The following PLXND1 variants were observed in gnomAD, a reference collection of about 807,000 sequenced individuals.
PLXND1 encodes the protein plexin-D1.
In PLXND1, 54 loss-of-function variants were observed where a neutral mutation model predicts 197.7. That is an observed-to-expected ratio of 0.27 (90% CI 0.22 to 0.34). The LOEUF (loss-of-function observed/expected upper bound fraction) is 0.34, where lower values mean the gene tolerates loss of function less well. Among genes scored for constraint, PLXND1 ranks in the 10% least tolerant of loss-of-function variants. The probability of loss-of-function intolerance (pLI) is 1.00; values close to 1 mark genes in which losing one functional copy is unlikely to be tolerated. For missense variants in PLXND1, 2,127 were observed against 2,699.2 expected, an observed-to-expected ratio of 0.79 and a Z score of 4.70; for synonymous variants, 1,180 against 1,161.2, an observed-to-expected ratio of 1.02 and a Z score of -0.33.
chr3:129,559,545 A>C, intron 32 of PLXND1, 75 bp downstream of exon 32: 4 of 1,237,686 alleles, frequency 3.2e-6, no homozygotes, highest in Non-Finnish European at 4.5e-6. Flanking sequence ...CGAGGCCAGA[A>C]GACTAGACTC....
intron 3 of PLXND1, 86 bp downstream of exon 3, chr3:129,586,502 G>T (rs781117493): frequency 5.6e-5 from 83 of 1,473,272 alleles, no homozygotes; most frequent in Non-Finnish European, 7.5e-5. Context: ...GGTGCTCCCA[G>T]CAGAGGAACA....
Position 129,570,950 on chromosome 3 carries a change from G to A in PLXND1, c.3601-15C>T, listed in dbSNP as rs372185971. On this transcript the variant is annotated splice_polypyrimidine_tract_variant and intron_variant, in intron 18 of 35. Transcript: ENST00000324093. Reference sequence around the variant, plus strand: ...TCCTGCTCCTTCTGTGGGTGCAAAGGGGGAGGATGCTCATGGGGAAGTGCT... The same window carrying A: ...TCCTGCTCCTTCTGTGGGTGCAAAGAGGGAGGATGCTCATGGGGAAGTGCT... 8.3e-5 allele frequency: 134 copies of A among 1,614,172 alleles called. 1 individual carries two copies. In the Middle Eastern group the frequency reaches 1.8e-3, roughly 22 times the overall value.
chr3:129,587,143 G>A (rs1208517078), intron 2 of PLXND1, among the ~76,000 whole-genome samples: 1 of 152,224 alleles, frequency 6.6e-6, no homozygotes, highest in Non-Finnish European at 1.5e-5. Flanking sequence ...GGCGGGCCAT[G>A]AGCATTAAAT....
In PLXND1 at chr3:129,586,695, C is replaced by T. The variant is rs80349132; in HGVS notation, c.1513G>A (p.Val505Met). Residue 505 changes from valine (V) to methionine (M), a missense_variant, in exon 3 of 36, where the codon GTG (valine) becomes ATG (methionine). Coordinates refer to ENST00000324093, the MANE Select transcript of PLXND1 (RefSeq NM_015103.3). ...LKINLNESMQ[V>M]VSRRVVTVAY... ...ACAGTCACCACCCGCCTGCTCACCACCTGCATGCTCTCGTTCAGGTTGATC... is the reference window on the plus strand; with the variant it reads ...ACAGTCACCACCCGCCTGCTCACCATCTGCATGCTCTCGTTCAGGTTGATC... 1 of 1,598,338 alleles carries T rather than the reference C, an allele frequency of 6.3e-7. No individual in the cohort carries two copies. The highest frequency in any genetic ancestry group is 8.5e-7 in the Non-Finnish European group (1 of 1,172,126).
In PLXND1 at chr3:129,577,374, G is replaced by A. The variant is rs962461385; in HGVS notation, c.2346+955C>T. Among the ~76,000 whole-genome samples the A allele has an allele frequency of 3.3e-5, 5 of 152,228 alleles. No homozygotes were observed. Among genetic ancestry groups the A allele is most frequent in the African/African-American group, 4.8e-5 (2 of 41,552 alleles). On this transcript the variant is annotated intron_variant, in intron 9 of 35. Coordinates refer to ENST00000324093, the MANE Select transcript of PLXND1 (RefSeq NM_015103.3). The surrounding 1 kb of genome is among the most constrained non-coding windows in gnomAD (Gnocchi z 5.0). ...AGGCTCACACCTCCCCATCCCAGGC[G>A]CCCACGGCCCAGGGGCAGAGCCATC...
In PLXND1 at chr3:129,558,777, G is replaced by C. The variant is rs2085013559; in HGVS notation, c.5298-202C>G. The C allele has an allele frequency of 7.0e-6, 4 of 569,686 alleles. No individual in the cohort carries two copies. The highest frequency in any genetic ancestry group is 1.3e-5 in the Non-Finnish European group (4 of 319,138). 35.3% of individuals were successfully genotyped at this position (569,686 alleles called of 1,614,324 possible). On this transcript the variant is annotated intron_variant, in intron 32 of 35. Coordinates refer to ENST00000324093, the MANE Select transcript of PLXND1 (RefSeq NM_015103.3). This position sits in a 1 kb window ranked among gnomAD's most constrained non-coding sequence, Gnocchi z 4.1. The stretch of plus-strand genomic sequence containing the variant: ...GGGCTGAGAGCCCGGTTTCCTGCTG[G>C]AGCAAGGCAGGAGCTACAGGGCTTA...
chr3:129,601,785 G>A (rs957409454), intron 1 of PLXND1, among the ~76,000 whole-genome samples: 1 of 152,130 alleles, frequency 6.6e-6, no homozygotes, highest in African/African-American at 2.4e-5. Context: ...CACTGGGGCT[G>A]CATCCCAGCC....
Position 129,565,418 on chromosome 3 carries a change from G to A in PLXND1, c.4443C>T (p.Leu1481=). Residue 1481 remains leucine, a synonymous_variant, in exon 25 of 36, where the codon CTC becomes CTT. Coordinates refer to ENST00000324093, the MANE Select transcript of PLXND1 (RefSeq NM_015103.3). ...IDASAAKNPK[L]MLRRTESVVE... ...CCACAGACTCTGTGCGCCGCAGCAT[G>A]AGCTTGGGGTTCTTGGCGGCCGAGG... 1.9e-6 allele frequency: 3 copies of A among 1,614,146 alleles called. No individual in the cohort carries two copies. The highest frequency in any genetic ancestry group is 2.5e-6 in the Non-Finnish European group (3 of 1,180,028).
At position 129,561,923 on chromosome 3, in the gene PLXND1, C is replaced by A. The variant is rs941426182; in HGVS notation, c.4826-20G>T. On this transcript the variant is annotated intron_variant, in intron 27 of 35. Transcript: ENST00000324093. ...ACCACTCTGGGGGACAAGGGACAGG[C>A]CATCAGGGTCCGGGCAGGGAGCTGG... 6.4e-7 allele frequency: 1 copy of A among 1,573,490 alleles called. No homozygotes were observed. Among genetic ancestry groups the A allele is most frequent in the Non-Finnish European group, 8.7e-7 (1 of 1,143,234 alleles).
chr3:129,605,222 C>G (rs537599048), intron 1 of PLXND1, 107 bp downstream of exon 1: 1 of 508,402 alleles, frequency 2.0e-6, no homozygotes, highest in African/African-American at 2.0e-5. Context: ...TCTCTGCGCG[C>G]TCCCACCTGT....
intron 1 of PLXND1, among the ~76,000 whole-genome samples, chr3:129,602,303 C>A (rs1399575692): frequency 6.6e-6 from 1 of 152,208 alleles, no homozygotes; most frequent in Non-Finnish European, 1.5e-5. Context: ...GCCCTTGTGT[C>A]ATGTGCTTCC....
At chr3:129,566,230 AC>A in intron 23 of PLXND1, 1 of 605,146 alleles carries the variant, frequency 1.7e-6, no homozygotes, top group Non-Finnish European at 2.9e-6. Flanking sequence ...CCTGGAGGTA[AC>A]CTGGCATCCC....
rs56271030 is a variant in PLXND1 at position 129,588,139 on chromosome 3, T to C, written c.1488+1212A>G. Among the ~76,000 whole-genome samples, 1,072 of 152,306 alleles carry C rather than the reference T, an allele frequency of 7.0e-3. 12 individuals carry two copies. Among genetic ancestry groups the C allele is most frequent in the African/African-American group, 0.025 (1,021 of 41,558 alleles). Reference sequence around the variant, plus strand: ...AGGCCACACTGTGCAGGGTGGTAGGTGAGGGGCTCCAGGCTGTGGCGGGGT... The same window carrying C: ...AGGCCACACTGTGCAGGGTGGTAGGCGAGGGGCTCCAGGCTGTGGCGGGGT... On this transcript the variant is annotated intron_variant, in intron 2 of 35. Transcript: ENST00000324093.
chr3:129,604,236 C>A (rs1359012566), intron 1 of PLXND1, among the ~76,000 whole-genome samples: 2 of 152,142 alleles, frequency 1.3e-5, no homozygotes, highest in Non-Finnish European at 2.9e-5. Flanking sequence ...CCCAAAACAC[C>A]CCTGTTCACA....
chr3:129,564,984 C>G (rs891984871), intron 25 of PLXND1, among the ~76,000 whole-genome samples: 2 of 152,248 alleles, frequency 1.3e-5, no homozygotes, highest in African/African-American at 4.8e-5. Context: ...TCTCGCCTAG[C>G]CTAGGGCTGG....
At chr3:129,584,900 C>T (rs894775545) in intron 5 of PLXND1, among the ~76,000 whole-genome samples, 15 of 152,190 alleles carry the variant, frequency 9.9e-5, no homozygotes, top group African/African-American at 3.4e-4. Flanking sequence ...TCCACCCAGA[C>T]GCTCTTTCCA....
rs772642660 is a variant in PLXND1, at chr3:129,586,490, AG to A, written c.1620+97del. 5.0e-6 allele frequency: 7 copies of A among 1,391,152 alleles called. No individual in the cohort carries two copies. In the South Asian group the frequency reaches 7.6e-5, roughly 15 times the overall value. The allele number at this position is 1,391,152 out of a possible 1,614,324, so 86.2% of individuals were successfully genotyped here. A position where few individuals can be genotyped will look rare whatever the true frequency, so the allele number is the denominator to read the frequency against. On this transcript the variant is annotated intron_variant, in intron 3 of 35. Coordinates refer to ENST00000324093, the MANE Select transcript of PLXND1 (RefSeq NM_015103.3). ...TAGCAGATAAGGGAGATGGAGGAGG[AG>A]GGTGCTCCCAGCAGAGGAACAGCGT...
rs770574510 is a variant in PLXND1 at position 129,556,582 on chromosome 3, C to A, written c.5661+35G>T. 2.6e-6 allele frequency: 4 copies of A among 1,524,500 alleles called. No individual in the cohort carries two copies. In the Admixed American group the frequency reaches 5.1e-5, roughly 19 times the overall value. 94.4% of individuals were successfully genotyped at this position (1,524,500 alleles called of 1,614,324 possible). On this transcript the variant is annotated intron_variant, in intron 35 of 35. Coordinates refer to ENST00000324093, the MANE Select transcript of PLXND1 (RefSeq NM_015103.3). ...TGTCCTTGAGTAGGAAGCTCACCTA[C>A]CCCGAGGGCAGGTGCCTCACCCTGG... is the stretch of plus-strand genomic sequence containing the variant.
At position 129,555,704 on chromosome 3, in the gene PLXND1, G is replaced by A; in HGVS notation, c.*608C>T. The A allele has an allele frequency of 1.9e-6, 1 of 534,186 alleles. No individual in the cohort carries two copies. The highest frequency in any genetic ancestry group is 3.3e-5 in the East Asian group (1 of 29,884). The allele number at this position is 534,186 out of a possible 1,614,324, so 33.1% of individuals were successfully genotyped here. A position where few individuals can be genotyped will look rare whatever the true frequency, so the allele number is the denominator to read the frequency against. ...CCCCTCCACCCTCCCTGCTCCTGGA[G>A]AAGCCCACAGAGCACCCCATGGCGC... On this transcript the variant is annotated 3_prime_UTR_variant, in exon 36 of 36. Transcript: ENST00000324093.
Sources: gnomAD v4.1 joint callset for allele counts (sites outside exome capture counted in the v4.1 genomes callset) on GRCh38, gnomAD v4.1.1 for gene constraint, Gnocchi (gnomAD v3.1) non-coding constraint, MANE v1.5 for transcripts, NCBI Gene and HGNC (gene_info 2026-07-23, HGNC 2026-07-21) for gene names.